Variants in UNC79 observed in about 807,000 individuals in gnomAD.
UNC79 encodes protein unc-79 homolog.
UNC79 carries 37 observed loss-of-function variants against 283.1 expected under a neutral mutation model. The observed-to-expected ratio is 0.13, with a 90% CI of 0.10 to 0.17. UNC79 has a LOEUF of 0.17. Among genes scored for constraint, UNC79 ranks in the 10% least tolerant of loss-of-function variants. The pLI, the probability that UNC79 is intolerant of heterozygous loss-of-function variation, is 1.00. For missense variants in UNC79, 2,272 were observed against 3,211.1 expected (o/e 0.71, Z 7.07); for synonymous variants, 1,107 against 1,200.2 (o/e 0.92, Z 1.61).
At chr14:93,530,157 T>C (rs910706267) in intron 10 of UNC79, among the ~76,000 whole-genome samples, 2 of 152,140 alleles carry the variant, frequency 1.3e-5, no homozygotes, top group African/African-American at 4.8e-5. Flanking sequence ...TAGCCAGGCA[T>C]GGTGGCACCT....
intron 18 of UNC79, among the ~76,000 whole-genome samples, chr14:93,579,566 T>C (rs1255450184): frequency 6.6e-6 from 1 of 152,204 alleles, no homozygotes; most frequent in African/African-American, 2.4e-5. Context: ...TATAATCTGT[T>C]ACTATGATTC....
chr14:93,388,554 C>T (rs1259702094), intron 1 of UNC79, among the ~76,000 whole-genome samples: 1 of 152,120 alleles, frequency 6.6e-6, no homozygotes, highest in African/African-American at 2.4e-5. Context: ...GATTAGTTTC[C>T]AGAAGAGGTT....
intron 4 of UNC79, among the ~76,000 whole-genome samples, chr14:93,485,993 A>G (rs1374907734): frequency 1.3e-5 from 2 of 152,126 alleles, no homozygotes; most frequent in African/African-American, 2.4e-5. Flanking sequence ...TGATGATTCT[A>G]TTATACATGT....
chr14:93,627,171 T>A (rs578146083), intron 30 of UNC79, among the ~76,000 whole-genome samples: 1 of 152,302 alleles, frequency 6.6e-6, no homozygotes, highest in African/African-American at 2.4e-5. Context: ...AGTCATGAGG[T>A]CTGATGCTGA....
intron 24 of UNC79, among the ~76,000 whole-genome samples, chr14:93,598,614 C>T (rs559300873): frequency 7.3e-5 from 11 of 151,454 alleles, no homozygotes; most frequent in South Asian, 2.1e-4. Context: ...CTCCGCCTCC[C>T]GGGTTCAAGT....
At chr14:93,681,682 T>C (rs1249477772) in intron 41 of UNC79, among the ~76,000 whole-genome samples, 1 of 152,202 alleles carries the variant, frequency 6.6e-6, no homozygotes, top group Non-Finnish European at 1.5e-5. Context: ...GGTCCCAAAG[T>C]TGTTAAGGCT....
intron 1 of UNC79, among the ~76,000 whole-genome samples, chr14:93,467,133 C>T (rs1466855420): frequency 6.6e-6 from 1 of 152,178 alleles, no homozygotes; most frequent in Non-Finnish European, 1.5e-5. Flanking sequence ...ATTTACTAAA[C>T]ACACTTTCAT....
At chr14:93,647,614 A>G (rs1343460481) in intron 35 of UNC79, among the ~76,000 whole-genome samples, 1 of 152,124 alleles carries the variant, frequency 6.6e-6, no homozygotes, top group Non-Finnish European at 1.5e-5. Context: ...TTGAGTATGA[A>G]AAAGAGTGGG....
rs1348488925 is a variant in UNC79, at chr14:93,593,597, C to T, written c.3033-83C>T. The T allele has an allele frequency of 3.3e-6, 5 of 1,511,580 alleles. No homozygotes were observed. In the East Asian group the frequency reaches 1.1e-4, roughly 35 times the overall value. 93.6% of individuals were successfully genotyped at this position (1,511,580 alleles called of 1,614,324 possible). ...CCCTACCCACCGTCTTGTAACTACTCTTGCCATAAATTAAGAGGACAGGAT... is the reference window on the plus strand; with the variant it reads ...CCCTACCCACCGTCTTGTAACTACTTTTGCCATAAATTAAGAGGACAGGAT... On this transcript the variant is annotated intron_variant, in intron 22 of 48. Transcript: ENST00000555664.
At chr14:93,583,834 C>G (rs1275662253) in intron 20 of UNC79, among the ~76,000 whole-genome samples, 1 of 143,310 alleles carries the variant, frequency 7.0e-6, no homozygotes, top group East Asian at 2.1e-4. Flanking sequence ...AGATAAGGGT[C>G]CTGCTCTGTC....
intron 7 of UNC79, among the ~76,000 whole-genome samples, chr14:93,500,183 C>T (rs919567566): frequency 5.9e-5 from 9 of 152,160 alleles, no homozygotes; most frequent in African/African-American, 1.9e-4. Context: ...GCCATTGCCC[C>T]GAGAAAGGTT....
At chr14:93,675,878 C>G (rs2073301835) in intron 41 of UNC79, among the ~76,000 whole-genome samples, 1 of 152,104 alleles carries the variant, frequency 6.6e-6, no homozygotes, top group Non-Finnish European at 1.5e-5. Flanking sequence ...TACCAAGTTA[C>G]TGGACATCCC....
At chr14:93,390,677 G>GT (rs1454959396) in intron 1 of UNC79, among the ~76,000 whole-genome samples, 3 of 152,122 alleles carry the variant, frequency 2.0e-5, no homozygotes, top group Admixed American at 2.0e-4. Context: ...ACATACAGTT[G>GT]TAAAATGAAA....
At chr14:93,653,917 A>G (rs2140344425) in intron 36 of UNC79, 23 bp from the exon 40 acceptor site, 1 of 1,614,108 alleles carries the variant, frequency 6.2e-7, no homozygotes, top group Non-Finnish European at 8.5e-7. Flanking sequence ...CCCAAACACT[A>G]AATCCGATCG....
At chr14:93,347,849 TA>T (rs3215681) in intron 1 of UNC79, among the ~76,000 whole-genome samples, 10,946 of 148,296 alleles carry the variant, frequency 0.074, 823 homozygotes, top group African/African-American at 0.19. Flanking sequence ...AAAAATGAAT[TA>T]AAAAAAAAAA....
At chr14:93,613,288 G>C (rs2066437801) in intron 27 of UNC79, among the ~76,000 whole-genome samples, 1 of 151,862 alleles carries the variant, frequency 6.6e-6, no homozygotes, top group South Asian at 2.1e-4. Context: ...ATGACAGAGA[G>C]AGAGACTGCA....
At chr14:93,633,907 C>T (rs1466451420) in intron 31 of UNC79, among the ~76,000 whole-genome samples, 2 of 152,156 alleles carry the variant, frequency 1.3e-5, no homozygotes, top group Admixed American at 6.5e-5. Flanking sequence ...TAGGCAGAGG[C>T]TCGCACAGAG....
intron 14 of UNC79, among the ~76,000 whole-genome samples, chr14:93,542,990 T>C (rs1429696767): frequency 6.6e-6 from 1 of 151,040 alleles, no homozygotes; most frequent in Non-Finnish European, 1.5e-5. Context: ...TCTTGCTATG[T>C]CGCCCAGGCT....
At chr14:93,537,862 T>C (rs751013064) in intron 11 of UNC79, 127 bp from the exon 12 acceptor site, 18 of 870,082 alleles carry the variant, frequency 2.1e-5, no homozygotes, top group South Asian at 3.7e-5. Flanking sequence ...AACCTGCGCT[T>C]TGGAAACTAG....
Sources: allele counts gnomAD v4.1 joint callset (sites outside exome capture counted in the v4.1 genomes callset), GRCh38; gene constraint gnomAD v4.1.1; transcripts MANE v1.5; gene names NCBI Gene and HGNC (gene_info 2026-07-23, HGNC 2026-07-21).